RGS7BP: variants seen among roughly 807,000 people sequenced by gnomAD.
RGS7BP encodes regulator of G protein signaling 7 binding protein, also known as regulator of G protein signaling 7-binding protein.
Under a neutral mutation model 31.3 loss-of-function variants are expected in RGS7BP, and 9 were observed. That is an observed-to-expected ratio of 0.29 (90% CI 0.17 to 0.50). RGS7BP has a LOEUF of 0.50. RGS7BP is among the 20% of genes least tolerant of loss of function. RGS7BP has a pLI of 0.98. For synonymous variants in RGS7BP, 115 were observed against 120.1 expected, an observed-to-expected ratio of 0.96 and a Z score of 0.28; for missense variants, 274 against 322.0, an observed-to-expected ratio of 0.85 and a Z score of 1.14.
At chr5:64,548,364 A>G (rs1424883910) in intron 2 of RGS7BP, among the ~76,000 whole-genome samples, 2 of 152,220 alleles carry the variant, frequency 1.3e-5, no homozygotes, top group Non-Finnish European at 2.9e-5. Flanking sequence ...TAAAAGTGAC[A>G]CTGAAACCAG....
chr5:64,515,731 CACAT>C (rs1429113252), intron 2 of RGS7BP, among the ~76,000 whole-genome samples: 7 of 151,746 alleles, frequency 4.6e-5, no homozygotes, highest in Admixed American at 3.3e-4. Flanking sequence ...CACACACACA[CACAT>C]ATAATGCACA....
intron 2 of RGS7BP, among the ~76,000 whole-genome samples, chr5:64,563,983 A>T (rs1280405618): frequency 1.3e-5 from 2 of 152,132 alleles, no homozygotes; most frequent in African/African-American, 4.8e-5. Context: ...CCATCAATGC[A>T]CTTCACCTGA....
chr5:64,511,613 G>A (rs142620690), intron 2 of RGS7BP, among the ~76,000 whole-genome samples: 9 of 152,246 alleles, frequency 5.9e-5, no homozygotes, highest in African/African-American at 2.2e-4. Flanking sequence ...CCTGCCTTTT[G>A]GACTTCCTTC....
At position 64,609,309 on chromosome 5, in the gene RGS7BP, G is replaced by A; in HGVS notation, c.*57G>A. On this transcript the variant is annotated 3_prime_UTR_variant, in exon 6 of 6. Transcript: ENST00000334025. The stretch of plus-strand genomic sequence containing the variant: ...CTGAAAAAAAATCACAAAACCCGAG[G>A]ACCTCCAGACAGCTGAACCACACAG... 1 of 951,556 alleles carries A rather than the reference G, an allele frequency of 1.1e-6. No individual in the cohort carries two copies. Among genetic ancestry groups the A allele is most frequent in the Non-Finnish European group, 1.7e-6 (1 of 575,890 alleles). The allele number at this position is 951,556 out of a possible 1,614,324, so 58.9% of individuals were successfully genotyped here. A position where few individuals can be genotyped will look rare whatever the true frequency, so the allele number is the denominator to read the frequency against.
At chr5:64,507,621 C>T (rs967938808) in intron 1 of RGS7BP, 90 bp from the exon 2 acceptor site, 8 of 1,190,644 alleles carry the variant, frequency 6.7e-6, no homozygotes, top group Non-Finnish European at 9.4e-6. Context: ...ACTCAGGGGT[C>T]AGTGAAAGCC....
Position 64,593,833 on chromosome 5 carries a change from C to T in RGS7BP, c.464-877C>T, listed in dbSNP as rs376911357. Among the ~76,000 whole-genome samples, 4 of 152,232 alleles carry T rather than the reference C, an allele frequency of 2.6e-5. No individual in the cohort carries two copies. The East Asian group carries it at 5.8e-4, about 22-fold the overall frequency. On this transcript the variant is annotated intron_variant, in intron 3 of 5. Coordinates refer to ENST00000334025, the MANE Select transcript of RGS7BP (RefSeq NM_001029875.3). Reference sequence around the variant, plus strand: ...ACTAAGCCAGGTTTAAAACCCAGTTCTCGGGCCTACTTGACCATTTCCATG... The same window carrying T: ...ACTAAGCCAGGTTTAAAACCCAGTTTTCGGGCCTACTTGACCATTTCCATG...
chr5:64,593,116 T>A (rs1196530692), intron 3 of RGS7BP, among the ~76,000 whole-genome samples: 5 of 152,166 alleles, frequency 3.3e-5, no homozygotes, highest in Non-Finnish European at 7.3e-5. Context: ...TCAATGCACA[T>A]AAAGTACACA....
At chr5:64,537,626 G>C (rs569133605) in intron 2 of RGS7BP, among the ~76,000 whole-genome samples, 1 of 152,252 alleles carries the variant, frequency 6.6e-6, no homozygotes, top group South Asian at 2.1e-4. Context: ...CTAGGAATGT[G>C]AGTTTCTCTA....
At chr5:64,527,777 C>T (rs1749269767) in intron 2 of RGS7BP, among the ~76,000 whole-genome samples, 1 of 152,144 alleles carries the variant, frequency 6.6e-6, no homozygotes, top group Non-Finnish European at 1.5e-5. Flanking sequence ...TCTATGACCT[C>T]ATTTTTGAAG....
chr5:64,561,813 G>T (rs767912130), intron 2 of RGS7BP, among the ~76,000 whole-genome samples: 1 of 151,942 alleles, frequency 6.6e-6, no homozygotes, highest in Non-Finnish European at 1.5e-5. Flanking sequence ...TAACCTAAAC[G>T]TTTGCTAATC....
intron 5 of RGS7BP, among the ~76,000 whole-genome samples, chr5:64,605,437 T>C (rs1743327472): frequency 6.6e-6 from 1 of 152,104 alleles, no homozygotes; most frequent in African/African-American, 2.4e-5. Context: ...TTGTAAGAAA[T>C]GCTGATGCTC....
intron 2 of RGS7BP, among the ~76,000 whole-genome samples, chr5:64,516,900 G>T (rs1414108755): frequency 6.6e-6 from 1 of 151,594 alleles, no homozygotes; most frequent in Non-Finnish European, 1.5e-5. Context: ...GGGCATTGGG[G>T]TATTTTTAAA....
intron 2 of RGS7BP, among the ~76,000 whole-genome samples, chr5:64,575,048 A>T (rs1742384211): frequency 6.6e-6 from 1 of 152,134 alleles, no homozygotes; most frequent in African/African-American, 2.4e-5. Flanking sequence ...CCCCTTAATC[A>T]AAAACAAAAG....
intron 5 of RGS7BP, 28 bp from the exon 6 acceptor site, chr5:64,609,133 C>G: frequency 7.0e-7 from 1 of 1,433,910 alleles, no homozygotes; most frequent in Non-Finnish European, 9.8e-7. Flanking sequence ...CTATACCTCA[C>G]TTATGTGCAC....
chr5:64,534,214 G>T lies in RGS7BP; in HGVS notation c.332+26337G>T, dbSNP rs992715264. Among the ~76,000 whole-genome samples the T allele has an allele frequency of 4.0e-5, 6 of 151,832 alleles. No individual in the cohort carries two copies. The East Asian group carries it at 5.8e-4, about 15-fold the overall frequency. On this transcript the variant is annotated intron_variant, in intron 2 of 5. Coordinates refer to ENST00000334025, the MANE Select transcript of RGS7BP (RefSeq NM_001029875.3). ...GAGGAGTGAATGCAAAGACCCTGAG[G>T]CAGGAACGAACTTGGCTAGTTCCAG...
At chr5:64,534,706 T>G (rs1287953602) in intron 2 of RGS7BP, among the ~76,000 whole-genome samples, 5 of 152,168 alleles carry the variant, frequency 3.3e-5, no homozygotes, top group Non-Finnish European at 7.3e-5. Context: ...GGTGATTCCT[T>G]TCAGCATCCA....
At chr5:64,507,183 A>AG (rs1281284539) in intron 1 of RGS7BP, among the ~76,000 whole-genome samples, 13 of 152,154 alleles carry the variant, frequency 8.5e-5, no homozygotes, top group Non-Finnish European at 2.9e-5. Flanking sequence ...GGCGCTGCGG[A>AG]GGGGTCGAAG....
At chr5:64,524,937 G>A (rs1352589734) in intron 2 of RGS7BP, among the ~76,000 whole-genome samples, 2 of 152,118 alleles carry the variant, frequency 1.3e-5, no homozygotes, top group Non-Finnish European at 2.9e-5. Context: ...ATAGTGAAAT[G>A]TGAGTTGGCC....
chr5:64,516,449 C>G (rs984675981), intron 2 of RGS7BP, among the ~76,000 whole-genome samples: 1 of 152,158 alleles, frequency 6.6e-6, no homozygotes, highest in Non-Finnish European at 1.5e-5. Flanking sequence ...GTAGTACGTC[C>G]TAATCGGTCT....
Sources: gnomAD v4.1 joint callset for allele counts (sites outside exome capture counted in the v4.1 genomes callset) on GRCh38, gnomAD v4.1.1 for gene constraint, MANE v1.5 for transcripts, NCBI Gene and HGNC (gene_info 2026-07-23, HGNC 2026-07-21) for gene names.